The following RALY variants were observed in gnomAD, a reference collection of about 807,000 sequenced individuals.
RALY encodes RNA-binding protein Raly.
RALY carries 15 observed loss-of-function variants against 30.7 expected under a neutral mutation model. The ratio of observed to expected loss-of-function variants is 0.49; its 90% CI spans 0.33 to 0.75. RALY has a LOEUF of 0.75. RALY is among the 30% of genes least tolerant of loss of function. The pLI, the probability that RALY is intolerant of heterozygous loss-of-function variation, is 0.02. For synonymous variants in RALY, 177 were observed against 170.8 expected (o/e 1.04, Z -0.28); for missense variants, 339 against 414.3 (o/e 0.82, Z 1.58).
At position 34,059,752 on chromosome 20, in the gene RALY, G is replaced by A. The variant is rs1441843855; in HGVS notation, c.-9-12314G>A. Among the ~76,000 whole-genome samples, 4 of 152,290 alleles carry A rather than the reference G, an allele frequency of 2.6e-5. No homozygotes were observed. The East Asian group carries it at 7.7e-4, about 29-fold the overall frequency. On this transcript the variant is annotated intron_variant, in intron 2 of 9. Transcript: ENST00000246194. ...AGATGAGAACAGGATGCACTACCAC[G>A]GCACAGCCTTCTGCACCCTTACTCA...
At chr20:34,065,544 C>T (rs566515086) in intron 2 of RALY, among the ~76,000 whole-genome samples, 1 of 152,120 alleles carries the variant, frequency 6.6e-6, no homozygotes, top group Non-Finnish European at 1.5e-5. Context: ...CCTGTCTGGC[C>T]AGTAACAATC....
chr20:34,003,789 G>A (rs1332079958), intron 1 of RALY, among the ~76,000 whole-genome samples: 2 of 151,692 alleles, frequency 1.3e-5, no homozygotes, highest in East Asian at 1.9e-4. Context: ...ACAGGCGCCC[G>A]CCACTACGCC....
Position 34,059,618 on chromosome 20 carries a change from C to T in RALY, c.-9-12448C>T, listed in dbSNP as rs371029320. 7.0e-4 allele frequency among the ~76,000 whole-genome samples: 106 copies of T among 152,320 alleles called. 2 individuals are homozygous for T. In the South Asian group the frequency reaches 0.021, roughly 30 times the overall value. On this transcript the variant is annotated intron_variant, in intron 2 of 9. Transcript: ENST00000246194. The stretch of plus-strand genomic sequence containing the variant: ...AGTAGACACGGGATTCAGGCCCCAG[C>T]GCTCTACAGGCAAGGAGAAATCCAA...
chr20:34,022,570 CAG>C (rs752021296), intron 1 of RALY, among the ~76,000 whole-genome samples: 3 of 152,156 alleles, frequency 2.0e-5, no homozygotes, highest in Non-Finnish European at 4.4e-5. Context: ...CTTTACCAAA[CAG>C]AAACTTTGTA....
rs558600084 is a variant in RALY, at chr20:34,067,881, C to T, written c.-9-4185C>T. ...TCCTCAGTGTCCTGGGGGCCTGTCT[C>T]TTACCAGCCCCAAATGAAAAATGGA... On this transcript the variant is annotated intron_variant, in intron 2 of 9. Coordinates refer to ENST00000246194, the MANE Select transcript of RALY (RefSeq NM_016732.3). Among the ~76,000 whole-genome samples, 3 of 145,676 alleles carry T rather than the reference C, an allele frequency of 2.1e-5. No homozygotes were observed. In the Admixed American group the frequency reaches 2.1e-4, roughly 10 times the overall value.
intron 1 of RALY, among the ~76,000 whole-genome samples, chr20:34,008,041 C>T (rs1356889557): frequency 6.6e-6 from 1 of 152,130 alleles, no homozygotes; most frequent in Non-Finnish European, 1.5e-5. Flanking sequence ...TAAGAGTTTC[C>T]TGCCTCCCTG....
chr20:33,996,856 C>G (rs894353792), intron 1 of RALY, among the ~76,000 whole-genome samples: 2 of 152,128 alleles, frequency 1.3e-5, no homozygotes, highest in African/African-American at 4.8e-5. Context: ...CTAGGAACCT[C>G]ATGTAAGTGG....
intron 2 of RALY, among the ~76,000 whole-genome samples, chr20:34,033,907 C>G (rs935029136): frequency 7.2e-5 from 11 of 152,172 alleles, no homozygotes; most frequent in Non-Finnish European, 5.9e-5. Context: ...CTACCCATAG[C>G]TTAGTCTTTC....
At chr20:34,052,329 G>A (rs576382417) in intron 2 of RALY, among the ~76,000 whole-genome samples, 2 of 152,168 alleles carry the variant, frequency 1.3e-5, no homozygotes, top group East Asian at 1.9e-4. Flanking sequence ...CTGGTTTTCC[G>A]TGGAAGATTT....
intron 1 of RALY, among the ~76,000 whole-genome samples, chr20:34,014,065 A>G (rs1429119257): frequency 6.6e-6 from 1 of 152,198 alleles, no homozygotes; most frequent in Non-Finnish European, 1.5e-5. Context: ...GTTAATATTA[A>G]GTGTTTTTTG....
At chr20:34,000,706 T>G (rs2030873676) in intron 1 of RALY, among the ~76,000 whole-genome samples, 1 of 152,192 alleles carries the variant, frequency 6.6e-6, no homozygotes, top group South Asian at 2.1e-4. Context: ...GGCTGAATAC[T>G]TGGGTTTCTT....
intron 2 of RALY, among the ~76,000 whole-genome samples, chr20:34,032,271 A>G (rs1418469939): frequency 6.6e-6 from 1 of 151,982 alleles, no homozygotes. Context: ...CCCCGTAGAG[A>G]CTTTCTTAGC....
chr20:34,077,629 C>T, intron 8 of RALY: 1 of 329,418 alleles, frequency 3.0e-6, no homozygotes, highest in Non-Finnish European at 5.7e-6. Flanking sequence ...GCCATTGCTG[C>T]TTAAGCATGA....
rs1481780325 is a variant in RALY at position 34,084,795 on chromosome 20, C to G, written c.*4890C>G. 1.3e-5 allele frequency: 2 copies of G among 152,342 alleles called. No individual in the cohort carries two copies. The highest frequency in any genetic ancestry group is 4.8e-5 in the African/African-American group (2 of 41,450). The allele number at this position is 152,342 out of a possible 1,614,324, so 9.4% of individuals were successfully genotyped here. ...CTTCAAGATGACTCCAGCCCAGCCA[C>G]CGTCTGAGAACAAAGTAAGAACTGC... On this transcript the variant is annotated 3_prime_UTR_variant, in exon 10 of 10. Transcript: ENST00000246194.
At chr20:34,021,764 A>C (rs993427291) in intron 1 of RALY, among the ~76,000 whole-genome samples, 1 of 152,150 alleles carries the variant, frequency 6.6e-6, no homozygotes, top group Admixed American at 6.5e-5. Context: ...GGGTGAATAT[A>C]ATAAGTAGAA....
At chr20:34,025,303 C>T in intron 1 of RALY, among the ~76,000 whole-genome samples, 1 of 72,222 alleles carries the variant, frequency 1.4e-5, no homozygotes, top group East Asian at 3.8e-4. Flanking sequence ...GTCTCTCTCT[C>T]TCTCTCTTTT....
At chr20:34,029,216 T>C (rs2032169095) in intron 1 of RALY, among the ~76,000 whole-genome samples, 2 of 152,056 alleles carry the variant, frequency 1.3e-5, no homozygotes, top group African/African-American at 4.8e-5. Flanking sequence ...GGCAGGTGGA[T>C]CACCTGAGGT....
intron 1 of RALY, among the ~76,000 whole-genome samples, chr20:34,015,863 A>G (rs2031587954): frequency 6.6e-6 from 1 of 152,046 alleles, no homozygotes; most frequent in South Asian, 2.1e-4. Context: ...ACACACACAC[A>G]CAATTGATGT....
At chr20:34,046,685 T>C (rs2032890709) in intron 2 of RALY, among the ~76,000 whole-genome samples, 1 of 152,196 alleles carries the variant, frequency 6.6e-6, no homozygotes, top group African/African-American at 2.4e-5. Flanking sequence ...ATCTCATTTT[T>C]TATATATTTG....
Sources: allele counts gnomAD v4.1 joint callset (sites outside exome capture counted in the v4.1 genomes callset), GRCh38; gene constraint gnomAD v4.1.1; transcripts MANE v1.5; gene names NCBI Gene and HGNC (gene_info 2026-07-23, HGNC 2026-07-21).